Variants in TMOD1 observed in about 807,000 individuals in gnomAD.
TMOD1 encodes tropomodulin-1.
TMOD1 carries 17 observed loss-of-function variants against 40.6 expected under a neutral mutation model. The observed-to-expected ratio is 0.42, with a 90% CI of 0.29 to 0.63. TMOD1 has a LOEUF of 0.63. Ranked by LOEUF, TMOD1 falls within the 20% of genes least tolerant of loss-of-function variation. The pLI is 0.22. For missense variants in TMOD1, 391 were observed against 447.6 expected (o/e 0.87, Z 1.14); for synonymous variants, 181 against 175.0 (o/e 1.03, Z -0.27).
At chr9:97,554,128 G>A (rs1830497889) in intron 4 of TMOD1, among the ~76,000 whole-genome samples, 1 of 146,080 alleles carries the variant, frequency 6.8e-6, no homozygotes, top group African/African-American at 2.5e-5. Flanking sequence ...GGGAGTGGGT[G>A]GGTTTTTATT....
At chr9:97,523,186 T>C (rs1829944544) in intron 1 of TMOD1, among the ~76,000 whole-genome samples, 1 of 151,878 alleles carries the variant, frequency 6.6e-6, no homozygotes, top group Non-Finnish European at 1.5e-5. Flanking sequence ...GGTCTGAAAA[T>C]GTCATGGTTA....
At chr9:97,549,157 G>A (rs1587935693) in intron 3 of TMOD1, among the ~76,000 whole-genome samples, 1 of 152,196 alleles carries the variant, frequency 6.6e-6, no homozygotes, top group African/African-American at 2.4e-5. Context: ...TGCATGTGCT[G>A]GGGGGATAAA....
intron 4 of TMOD1, among the ~76,000 whole-genome samples, chr9:97,559,986 T>A (rs1442629838): frequency 1.3e-5 from 2 of 150,258 alleles, no homozygotes; most frequent in Non-Finnish European, 3.0e-5. Flanking sequence ...GAAAGAGAGG[T>A]TGAAGCCTAG....
intron 8 of TMOD1, among the ~76,000 whole-genome samples, chr9:97,585,194 G>C (rs1470582717): frequency 6.6e-6 from 1 of 152,150 alleles, no homozygotes; most frequent in African/African-American, 2.4e-5. Flanking sequence ...TTGTAAGGCA[G>C]GCCTGGTGGT....
intron 2 of TMOD1, among the ~76,000 whole-genome samples, chr9:97,535,537 A>G (rs1830166847): frequency 6.6e-6 from 1 of 152,096 alleles, no homozygotes; most frequent in Non-Finnish European, 1.5e-5. Flanking sequence ...CACCACTGAG[A>G]TGTGTATCTC....
chr9:97,581,075 T>A (rs1222294710), intron 8 of TMOD1, among the ~76,000 whole-genome samples: 1 of 149,820 alleles, frequency 6.7e-6, no homozygotes, highest in South Asian at 2.1e-4. Flanking sequence ...ACATGTGCCA[T>A]GCTGGTGCGC....
intron 2 of TMOD1, among the ~76,000 whole-genome samples, chr9:97,529,802 AC>A (rs1830071366): frequency 6.6e-6 from 1 of 152,216 alleles, no homozygotes; most frequent in Admixed American, 6.5e-5. Flanking sequence ...TTTGAGAATG[AC>A]AAGTCATCGT....
chr9:97,566,295 G>A (rs1000411003), intron 7 of TMOD1, among the ~76,000 whole-genome samples: 4 of 152,146 alleles, frequency 2.6e-5, no homozygotes, highest in African/African-American at 9.7e-5. Context: ...GTGCAGTCAC[G>A]TGACCCCTAA....
At chr9:97,532,663 T>C (rs1830121935) in intron 2 of TMOD1, among the ~76,000 whole-genome samples, 1 of 152,042 alleles carries the variant, frequency 6.6e-6, no homozygotes. Context: ...AAACCCTGCC[T>C]TTCTGTCTCC....
Position 97,599,887 on chromosome 9 carries a change from G to GTT in TMOD1, c.*193_*194dup. On this transcript the variant is annotated 3_prime_UTR_variant, in exon 10 of 10. Transcript: ENST00000259365. The stretch of plus-strand genomic sequence containing the variant: ...TTTTATAAAATACCGTTAATGTGAA[G>GTT]TTTTTCTTTAGTCACAGAAGTTGAA... The GTT allele has an allele frequency of 3.7e-6, 5 of 1,368,192 alleles. No homozygotes were observed. The allele number at this position is 1,368,192 out of a possible 1,614,324, so 84.8% of individuals were successfully genotyped here. A position where few individuals can be genotyped will look rare whatever the true frequency, so the allele number is the denominator to read the frequency against.
chr9:97,555,480 T>G, intron 4 of TMOD1: 10 of 1,435,300 alleles, frequency 7.0e-6, no homozygotes, highest in Non-Finnish European at 9.1e-6. Flanking sequence ...CTGTGTGGCT[T>G]TCTTGAAACT....
intron 8 of TMOD1, among the ~76,000 whole-genome samples, chr9:97,587,714 CA>C (rs1298291251): frequency 6.6e-6 from 1 of 152,068 alleles, no homozygotes; most frequent in African/African-American, 2.4e-5. Context: ...TTTTATCACT[CA>C]AAAAAGAAAC....
chr9:97,592,291 C>G (rs1564001288), intron 9 of TMOD1, among the ~76,000 whole-genome samples: 1 of 151,824 alleles, frequency 6.6e-6, no homozygotes, highest in Non-Finnish European at 1.5e-5. Flanking sequence ...GGAAAAAAAA[C>G]AAGAAAAGCA....
intron 3 of TMOD1, among the ~76,000 whole-genome samples, chr9:97,548,568 C>T (rs77998794): frequency 0.025 from 3,771 of 152,226 alleles, 140 homozygotes; most frequent in East Asian, 0.13. Context: ...TGTACCCACA[C>T]CCCTCCCAGG....
intron 4 of TMOD1, among the ~76,000 whole-genome samples, chr9:97,559,795 ATATATATAT>A (rs1448673714): frequency 0.013 from 146 of 11,034 alleles, 2 homozygotes; most frequent in African/African-American, 0.032. Flanking sequence ...AAAAAAAAAA[ATATATATAT>A]ATATATATAT....
intron 9 of TMOD1, among the ~76,000 whole-genome samples, chr9:97,595,138 G>A (rs115277958): frequency 4.6e-5 from 7 of 152,298 alleles, no homozygotes; most frequent in African/African-American, 1.7e-4. Context: ...ATATTTATGT[G>A]ATACAAAGTG....
chr9:97,531,471 C>T (rs768482826), intron 2 of TMOD1, among the ~76,000 whole-genome samples: 104 of 152,000 alleles, frequency 6.8e-4, no homozygotes, highest in Non-Finnish European at 7.4e-4. Context: ...ATTAGCTAGG[C>T]GTGGTGGTGC....
At chr9:97,509,877 T>G (rs760238281) in intron 1 of TMOD1, among the ~76,000 whole-genome samples, 8 of 152,142 alleles carry the variant, frequency 5.3e-5, no homozygotes, top group Non-Finnish European at 1.0e-4. Context: ...TATAAGTGAG[T>G]TTTGTTATTA....
chr9:97,597,523 ACT>A (rs1237295996), intron 9 of TMOD1, among the ~76,000 whole-genome samples: 1 of 151,610 alleles, frequency 6.6e-6, no homozygotes, highest in Admixed American at 6.6e-5. Context: ...ATGGTGAAAC[ACT>A]GTCTCTACTA....
Sources: gnomAD v4.1 joint callset for allele counts (sites outside exome capture counted in the v4.1 genomes callset) on GRCh38, gnomAD v4.1.1 for gene constraint, MANE v1.5 for transcripts, NCBI Gene and HGNC (gene_info 2026-07-23, HGNC 2026-07-21) for gene names.